Variants in WWOX observed in about 807,000 individuals in gnomAD.
WWOX encodes the protein WW domain containing oxidoreductase.
A neutral mutation model predicts 46.2 loss-of-function variants in WWOX; 69 were observed. The observed-to-expected ratio is 1.49, with a 90% CI of 1.23 to 1.82. The LOEUF (loss-of-function observed/expected upper bound fraction) is 1.82. WWOX is among the 40% of genes most tolerant of loss of function. WWOX has a pLI of 0.00. For missense variants in WWOX, 919 were observed against 542.6 expected, an observed-to-expected ratio of 1.69 and a Z score of -6.89; for synonymous variants, 359 against 202.6, an observed-to-expected ratio of 1.77 and a Z score of -6.56.
At chr16:78,209,601 T>G (rs944721605) in intron 5 of WWOX, among the ~76,000 whole-genome samples, 10 of 152,214 alleles carry the variant, frequency 6.6e-5, no homozygotes, top group Non-Finnish European at 1.3e-4. Context: ...CTATTCTTTG[T>G]AAATCTAATA....
At chr16:78,109,194 G>A (rs1205244004) in intron 2 of WWOX, among the ~76,000 whole-genome samples, 4 of 152,116 alleles carry the variant, frequency 2.6e-5, no homozygotes, top group African/African-American at 9.7e-5. Context: ...CGGAATAGAA[G>A]TATAAGAAAG....
chr16:78,725,590 A>G (rs999632931), intron 8 of WWOX, among the ~76,000 whole-genome samples: 1 of 149,808 alleles, frequency 6.7e-6, no homozygotes, highest in Non-Finnish European at 1.5e-5. Flanking sequence ...CAGGCGATCT[A>G]CCCGCCTCAG....
intron 8 of WWOX, among the ~76,000 whole-genome samples, chr16:78,496,670 C>T (rs531555159): frequency 2.6e-5 from 4 of 152,286 alleles, no homozygotes; most frequent in South Asian, 2.1e-4. Context: ...CTGGTTTACT[C>T]GTGGTTTCAG....
intron 8 of WWOX, among the ~76,000 whole-genome samples, chr16:78,536,285 G>A (rs1467575771): frequency 6.6e-6 from 1 of 152,032 alleles, no homozygotes; most frequent in African/African-American, 2.4e-5. Flanking sequence ...AGGTTGATTG[G>A]AGGGTCTGAG....
At chr16:78,276,129 C>T (rs1286159214) in intron 5 of WWOX, among the ~76,000 whole-genome samples, 1 of 152,196 alleles carries the variant, frequency 6.6e-6, no homozygotes, top group East Asian at 1.9e-4. Flanking sequence ...CGTTTTCATA[C>T]ACCTTAACTC....
chr16:78,588,462 C>T (rs1193014582), intron 8 of WWOX, among the ~76,000 whole-genome samples: 1 of 152,136 alleles, frequency 6.6e-6, no homozygotes, highest in African/African-American at 2.4e-5. Flanking sequence ...CAAAAATCTG[C>T]CCTGTTTGGG....
intron 8 of WWOX, among the ~76,000 whole-genome samples, chr16:78,747,680 T>G (rs1597540102): frequency 6.6e-6 from 1 of 152,182 alleles, no homozygotes; most frequent in African/African-American, 2.4e-5. Context: ...TTTCTGAATA[T>G]GTATACAATT....
intron 8 of WWOX, among the ~76,000 whole-genome samples, chr16:78,594,197 T>TA (rs139449775): frequency 0.15 from 23,482 of 152,002 alleles, 3,155 homozygotes; most frequent in African/African-American, 0.37. Context: ...AGGGCCTTTT[T>TA]AACCCCATAT....
chr16:79,065,844 G>C (rs1048048721), intron 8 of WWOX, among the ~76,000 whole-genome samples: 2 of 145,108 alleles, frequency 1.4e-5, no homozygotes, highest in Non-Finnish European at 3.0e-5. Context: ...GCAAGATGGA[G>C]TCAGCTATGC....
chr16:78,718,456 A>C (rs898266148), intron 8 of WWOX, among the ~76,000 whole-genome samples: 3 of 152,108 alleles, frequency 2.0e-5, no homozygotes, highest in Non-Finnish European at 4.4e-5. Flanking sequence ...TTTATAACTG[A>C]ATAGGAGGGT....
intron 8 of WWOX, among the ~76,000 whole-genome samples, chr16:78,972,739 T>G (rs4887997): frequency 0.54 from 81,500 of 152,100 alleles, 22,575 homozygotes; most frequent in East Asian, 0.85. Context: ...CCCACTTTAT[T>G]ATTTCCTTTT....
intron 8 of WWOX, among the ~76,000 whole-genome samples, chr16:78,849,929 G>A (rs966992466): frequency 2.6e-5 from 4 of 151,980 alleles, no homozygotes; most frequent in African/African-American, 7.2e-5. Context: ...AAAATTAGCC[G>A]GGTGTGATGG....
chr16:78,427,835 T>C (rs534085070), intron 7 of WWOX, among the ~76,000 whole-genome samples: 7 of 151,980 alleles, frequency 4.6e-5, no homozygotes, highest in African/African-American at 1.7e-4. Flanking sequence ...GCACAGTGTC[T>C]CACGCCTGTA....
At chr16:79,100,020 A>T (rs1171541378) in intron 8 of WWOX, among the ~76,000 whole-genome samples, 1 of 152,210 alleles carries the variant, frequency 6.6e-6, no homozygotes, top group Non-Finnish European at 1.5e-5. Flanking sequence ...GAAAAGAAAC[A>T]GTTCTTCTCT....
chr16:78,855,643 G>C (rs932417200), intron 8 of WWOX, among the ~76,000 whole-genome samples: 1 of 152,188 alleles, frequency 6.6e-6, no homozygotes, highest in African/African-American at 2.4e-5. Flanking sequence ...AAGACAACCT[G>C]TCTTCTCCCA....
chr16:78,619,354 G>C (rs1358893539), intron 8 of WWOX, among the ~76,000 whole-genome samples: 1 of 68,484 alleles, frequency 1.5e-5, no homozygotes, highest in Non-Finnish European at 2.8e-5. Context: ...AGAGCAAGAC[G>C]CCATCTCAAA....
chr16:78,440,641 G>T (rs540099019), intron 8 of WWOX, among the ~76,000 whole-genome samples: 2 of 150,602 alleles, frequency 1.3e-5, no homozygotes, highest in South Asian at 2.1e-4. Context: ...TTTTGAGACG[G>T]AGTGTCTCTC....
intron 8 of WWOX, among the ~76,000 whole-genome samples, chr16:79,061,040 T>C (rs905559319): frequency 9.9e-5 from 15 of 152,194 alleles, no homozygotes; most frequent in East Asian, 9.6e-4. Flanking sequence ...TTCAGACTTA[T>C]ACACTCACAT....
chr16:78,444,242 G>C (rs1230568718), intron 8 of WWOX, among the ~76,000 whole-genome samples: 2 of 152,114 alleles, frequency 1.3e-5, no homozygotes, highest in African/African-American at 4.8e-5. Context: ...TGTAATTTTA[G>C]AGTGTGTTCT....
Sources: gnomAD v4.1 joint callset for allele counts (sites outside exome capture counted in the v4.1 genomes callset) on GRCh38, gnomAD v4.1.1 for gene constraint, MANE v1.5 for transcripts, NCBI Gene and HGNC (gene_info 2026-07-23, HGNC 2026-07-21) for gene names.